Variants in XKRX observed in about 807,000 individuals in gnomAD.
XKRX encodes the protein XK related X-linked.
XKRX carries 11 observed loss-of-function variants against 22.4 expected under a neutral mutation model. That is an observed-to-expected ratio of 0.49 (90% CI 0.31 to 0.81). The LOEUF (loss-of-function observed/expected upper bound fraction) is 0.81. Ranked by LOEUF, XKRX falls within the 40% of genes least tolerant of loss-of-function variation. The pLI, the probability that XKRX is intolerant of heterozygous loss-of-function variation, is 0.05. For synonymous variants in XKRX, 114 were observed against 132.2 expected (o/e 0.86, Z 0.94); for missense variants, 320 against 336.5 (o/e 0.95, Z 0.38).
chrX:100,912,841 G>C (rs781319032), downstream of XKRX, among the ~76,000 whole-genome samples: 1 of 111,782 alleles, frequency 8.9e-6, no homozygotes, highest in Non-Finnish European at 1.9e-5. Flanking sequence ...AAGGAGACAT[G>C]CATTCGTCCA....
the XKRX span, among the ~76,000 whole-genome samples, chrX:100,907,853 ATC>A: frequency 3.6e-5 from 4 of 111,484 alleles, no homozygotes; most frequent in African/African-American, 1.3e-4. Context: ...TATCTCCCAC[ATC>A]TCTTACACTA....
the XKRX span, among the ~76,000 whole-genome samples, chrX:100,893,496 A>C: frequency 1.4e-4 from 16 of 112,103 alleles, no homozygotes; most frequent in Non-Finnish European, 1.1e-4. Context: ...CATTGTATAA[A>C]AAAGACACCT....
the XKRX span, among the ~76,000 whole-genome samples, chrX:100,901,372 G>A: frequency 9.0e-6 from 1 of 111,028 alleles, no homozygotes; most frequent in Non-Finnish European, 1.9e-5. Flanking sequence ...ATTAATTTCA[G>A]AAAAAAAGTC....
the XKRX span, among the ~76,000 whole-genome samples, chrX:100,902,751 A>G: frequency 1.8e-5 from 2 of 110,278 alleles, no homozygotes; most frequent in African/African-American, 6.6e-5. Flanking sequence ...TTGATAAAGA[A>G]CATCTATTTT....
chrX:100,890,817 C>G, the XKRX span, among the ~76,000 whole-genome samples: 1 of 110,924 alleles, frequency 9.0e-6, no homozygotes, highest in Non-Finnish European at 1.9e-5. Flanking sequence ...TTTATTCATG[C>G]AAGCATGTAC....
At position 100,914,696 on chromosome X, in the gene XKRX, T is replaced by A. The variant is rs1481455127; in HGVS notation, c.992A>T (p.Gln331Leu). Residue 331 changes from glutamine (Q) to leucine (L), a missense_variant, in exon 3 of 3, where the codon CAG (glutamine) becomes CTG (leucine). By Grantham distance (113) the Gln-to-Leu change is moderately radical (BLOSUM62 -2). Transcript: ENST00000372956. ...GAGATCTCTGTCTGCCAACCTCAAC[T>A]GCAAAGCTGACCAGCAAGAGAAGTT... ...GINFSCWSALQLRLADRDLVD... is the reference protein window; with the variant it reads ...GINFSCWSALLLRLADRDLVD... 8.3e-7 allele frequency: 1 copy of A among 1,209,994 alleles called. No individual in the cohort carries two copies. The highest frequency in any genetic ancestry group is 3.0e-5 in the East Asian group (1 of 33,759).
At chrX:100,948,989 A>G in the XKRX span, among the ~76,000 whole-genome samples, 797 of 112,675 alleles carry the variant, frequency 7.1e-3, 10 homozygotes, top group African/African-American at 0.025. Flanking sequence ...TCTGGCAGTG[A>G]GGTGAACTTC....
intron 1 of XKRX, 32 bp downstream of exon 1, chrX:100,927,938 G>T (rs777649086): frequency 2.3e-5 from 27 of 1,160,285 alleles, no homozygotes; most frequent in Admixed American, 7.9e-5. Context: ...GTGGGGTTAG[G>T]GGGGTAAGGA....
intron 2 of XKRX, among the ~76,000 whole-genome samples, chrX:100,918,069 G>A (rs2085454247): frequency 8.9e-6 from 1 of 111,758 alleles, no homozygotes; most frequent in African/African-American, 3.3e-5. Context: ...AAAATCCAGT[G>A]CTCTCAAGAG....
At chrX:100,904,314 A>G in the XKRX span, among the ~76,000 whole-genome samples, 1 of 112,046 alleles carries the variant, frequency 8.9e-6, no homozygotes, top group Non-Finnish European at 1.9e-5. Flanking sequence ...AAAAACAAAA[A>G]AAACACCCAG....
At chrX:100,921,825 T>A (rs965322318) in intron 2 of XKRX, among the ~76,000 whole-genome samples, 3 of 49,435 alleles carry the variant, frequency 6.1e-5, no homozygotes, top group East Asian at 5.1e-4. Context: ...AACCCCACGC[T>A]TTTTTTTTTT....
the XKRX span, among the ~76,000 whole-genome samples, chrX:100,949,022 A>G: frequency 8.9e-6 from 1 of 112,811 alleles, no homozygotes; most frequent in African/African-American, 3.2e-5. Flanking sequence ...CAGTGCCAAC[A>G]AGGTAGAACA....
the XKRX span, among the ~76,000 whole-genome samples, chrX:100,897,083 A>G: frequency 1.8e-5 from 2 of 111,342 alleles, no homozygotes; most frequent in Admixed American, 1.9e-4. Context: ...TAATGTTAAT[A>G]GTAATATTGG....
the XKRX span, chrX:100,888,336 G>T: frequency 1.4e-6 from 1 of 705,434 alleles, no homozygotes; most frequent in Non-Finnish European, 2.2e-6. Context: ...GTTCTCCTTG[G>T]TTCCACAACT....
In XKRX at chrX:100,922,897, G is replaced by T. The variant is rs1296242546; in HGVS notation, c.500C>A (p.Ala167Asp). ...TTGGATCTGTGACATACGTTTGTAG[G>T]CATTGCGGTGCATAGCCAGGGTCCG... is the stretch of plus-strand genomic sequence containing the variant. ...SIRTLAMHRN[A>D]YKRMSQIQAF... Residue 167 changes from alanine to aspartate, a missense_variant, in exon 2 of 3, where the codon GCC becomes GAC. Physicochemically the swap from Ala to Asp is moderately radical, Grantham distance 126. Coordinates refer to ENST00000372956, the MANE Select transcript of XKRX (RefSeq NM_212559.3). 1 of 1,209,337 alleles carries T rather than the reference G, an allele frequency of 8.3e-7. No homozygotes were observed. Among genetic ancestry groups the T allele is most frequent in the Non-Finnish European group, 1.1e-6 (1 of 895,076 alleles).
At chrX:100,889,092 T>C in the XKRX span, among the ~76,000 whole-genome samples, 1 of 107,840 alleles carries the variant, frequency 9.3e-6, no homozygotes, top group African/African-American at 3.4e-5. Context: ...ATACAAAAAT[T>C]AGCCGGGCAT....
At chrX:100,898,733 T>C in the XKRX span, among the ~76,000 whole-genome samples, 1 of 110,885 alleles carries the variant, frequency 9.0e-6, no homozygotes, top group Admixed American at 9.7e-5. Context: ...GTCTGAGGCA[T>C]AGTTGCAAAT....
chrX:100,945,827 AAAAAG>A, the XKRX span, among the ~76,000 whole-genome samples: 54 of 107,341 alleles, frequency 5.0e-4, no homozygotes, highest in African/African-American at 1.8e-3. Context: ...AAAAAAAAAA[AAAAAG>A]AGATACAATT....
chrX:100,908,106 AGTGTGTGTGT>A, the XKRX span, among the ~76,000 whole-genome samples: 2 of 86,973 alleles, frequency 2.3e-5, no homozygotes, highest in Non-Finnish European at 4.4e-5. Context: ...TCATGCATGG[AGTGTGTGTGT>A]GTGTGTGTGT....
Sources: gnomAD v4.1 joint callset for allele counts (sites outside exome capture counted in the v4.1 genomes callset) on GRCh38, gnomAD v4.1.1 for gene constraint, MANE v1.5 for transcripts, NCBI Gene and HGNC (gene_info 2026-07-23, HGNC 2026-07-21) for gene names.